Variants in TTC17 observed in about 807,000 individuals in gnomAD.
The protein encoded by TTC17 is tetratricopeptide repeat domain 17.
Under a neutral mutation model 143.8 loss-of-function variants are expected in TTC17, and 58 were observed. The ratio of observed to expected loss-of-function variants is 0.40; its 90% CI spans 0.33 to 0.50. The LOEUF (loss-of-function observed/expected upper bound fraction) is 0.50, where lower values mean the gene tolerates loss of function less well. Among genes scored for constraint, TTC17 ranks in the 20% least tolerant of loss-of-function variants. The pLI is 0.49. For synonymous variants in TTC17, 501 were observed against 497.8 expected (o/e 1.01, Z -0.09); for missense variants, 1,273 against 1,392.5 (o/e 0.91, Z 1.37).
intron 21 of TTC17, 85 bp downstream of exon 21, chr11:43,451,350 C>A: frequency 8.2e-7 from 1 of 1,212,676 alleles, no homozygotes; most frequent in Non-Finnish European, 1.2e-6. Flanking sequence ...TGTCTGTAAC[C>A]TCTTCTGTTA....
intron 8 of TTC17, 28 bp downstream of exon 8, chr11:43,398,141 G>A: frequency 6.2e-7 from 1 of 1,612,586 alleles, no homozygotes; most frequent in East Asian, 2.2e-5. Context: ...TTTCACTCAA[G>A]CATTAGCACT....
intron 16 of TTC17, among the ~76,000 whole-genome samples, chr11:43,437,304 A>G (rs935574430): frequency 2.6e-5 from 4 of 152,134 alleles, no homozygotes; most frequent in Non-Finnish European, 4.4e-5. Context: ...TGTTGCATCT[A>G]TATCTCTTCA....
chr11:43,478,744 G>C (rs7104153), intron 21 of TTC17, among the ~76,000 whole-genome samples: 14,079 of 151,990 alleles, frequency 0.093, 802 homozygotes, highest in Middle Eastern at 0.16. Context: ...GCCCCATCCC[G>C]CAACCCCCAA....
At chr11:43,404,235 C>G in intron 11 of TTC17, 91 bp downstream of exon 11, 1 of 1,266,174 alleles carries the variant, frequency 7.9e-7, no homozygotes, top group Non-Finnish European at 1.1e-6. Flanking sequence ...AATATGGCCT[C>G]TATGACTGTT....
In TTC17 at chr11:43,391,828, A is replaced by AG. The variant is rs1275684522; in HGVS notation, c.541dup (p.Glu181GlyfsTer4). 1 of 1,612,738 alleles carries AG rather than the reference A, an allele frequency of 6.2e-7. No homozygotes were observed. The highest frequency in any genetic ancestry group is 8.5e-7 in the Non-Finnish European group (1 of 1,179,746). ...TCTTTTTCTTCTCTTCAGGGTGTAC[A>AG]GGAGAGAGTTAATCTTTCTGCACCT... On this transcript the variant is annotated frameshift_variant, in exon 5 of 24. Transcript: ENST00000039989. LOFTEE classifies it high-confidence loss of function.
rs116090115 is a variant in TTC17, at chr11:43,383,004, A to G, written c.249+3682A>G. Among the ~76,000 whole-genome samples the G allele has an allele frequency of 6.3e-3, 948 of 151,558 alleles. 13 individuals carry two copies. Among genetic ancestry groups the G allele is most frequent in the African/African-American group, 0.022 (889 of 41,268 alleles). On this transcript the variant is annotated intron_variant, in intron 2 of 23. Transcript: ENST00000039989. ...AGCTTCAACTTCCTGGGCTCATGCT[A>G]TCTTCCTGCCTCAGCCTCTTGTGTA...
chr11:43,405,094 CTTTTT>C (rs528720022), intron 11 of TTC17, among the ~76,000 whole-genome samples: 1 of 132,494 alleles, frequency 7.5e-6, no homozygotes, highest in Admixed American at 7.7e-5. Context: ...TCTTCTTTTT[CTTTTT>C]TTTTTTTTTT....
intron 16 of TTC17, among the ~76,000 whole-genome samples, chr11:43,418,940 G>A (rs185361672): frequency 4.6e-5 from 7 of 152,198 alleles, no homozygotes; most frequent in Admixed American, 2.6e-4. Context: ...AATCTAGGCT[G>A]TCTTATATCT....
intron 21 of TTC17, among the ~76,000 whole-genome samples, chr11:43,451,674 T>C (rs1290860102): frequency 6.6e-6 from 1 of 152,212 alleles, no homozygotes; most frequent in Non-Finnish European, 1.5e-5. Flanking sequence ...TGAAACAAAA[T>C]ATTTACCAAA....
chr11:43,402,427 T>A (rs574874866), intron 10 of TTC17, among the ~76,000 whole-genome samples: 3 of 152,140 alleles, frequency 2.0e-5, no homozygotes, highest in African/African-American at 7.2e-5. Context: ...TCGCTGTATA[T>A]ACACACGTGT....
In TTC17 at chr11:43,490,251, T is replaced by G; in HGVS notation, c.3043T>G (p.Trp1015Gly). The G allele has an allele frequency of 6.2e-7, 1 of 1,611,398 alleles. No individual in the cohort carries two copies. The highest frequency in any genetic ancestry group is 8.5e-7 in the Non-Finnish European group (1 of 1,178,292). ...CATTCCTTTGCAGAACCAGACGTCC[T>G]GGGTCCTCTCCAGCATGGCAGCCCT... is the stretch of plus-strand genomic sequence containing the variant. ...AKVLEKNQTS[W>G]VLSSMAALYW... The change falls in exon 22 of 24, where the codon TGG becomes GGG. Residue 1015 changes from tryptophan (W) to glycine (G), a missense_variant. Transcript: ENST00000039989.
At chr11:43,446,561 T>G (rs1199749669) in intron 18 of TTC17, 1 of 682,734 alleles carries the variant, frequency 1.5e-6, no homozygotes. Flanking sequence ...GTGAAAATTA[T>G]GGCTTATTTA....
Position 43,403,984 on chromosome 11 carries a change from G to A in TTC17, c.1333-14G>A, listed in dbSNP as rs1368247250. 1.3e-6 allele frequency: 2 copies of A among 1,567,640 alleles called. No homozygotes were observed. The highest frequency in any genetic ancestry group is 1.7e-4 in the Middle Eastern group (1 of 5,778). Reference sequence around the variant, plus strand: ...CACTTTCAATTTGATTGAACTTTTTGTTTCATTTTCTAGTTTGGTGAGGAT... The same window carrying A: ...CACTTTCAATTTGATTGAACTTTTTATTTCATTTTCTAGTTTGGTGAGGAT... On this transcript the variant is annotated splice_polypyrimidine_tract_variant and intron_variant, in intron 10 of 23. Coordinates refer to ENST00000039989, the MANE Select transcript of TTC17 (RefSeq NM_018259.6).
intron 21 of TTC17, among the ~76,000 whole-genome samples, chr11:43,470,303 G>A (rs568868190): frequency 1.3e-5 from 2 of 152,212 alleles, no homozygotes; most frequent in South Asian, 2.1e-4. Context: ...CTGCCCACCC[G>A]CATTTTCTGC....
intron 10 of TTC17, among the ~76,000 whole-genome samples, chr11:43,402,033 AGC>A (rs1857885700): frequency 1.3e-5 from 2 of 151,322 alleles, no homozygotes; most frequent in African/African-American, 2.4e-5. Flanking sequence ...ATAAATAAAG[AGC>A]GAGAGAGAGA....
intron 16 of TTC17, among the ~76,000 whole-genome samples, chr11:43,428,116 CA>C (rs1947071131): frequency 6.6e-6 from 1 of 152,128 alleles, no homozygotes; most frequent in African/African-American, 2.4e-5. Context: ...ACATGTCTGA[CA>C]AGTGGCCTGT....
In TTC17 at chr11:43,398,055, A is replaced by C; in HGVS notation, c.1000A>C (p.Arg334=). The C allele has an allele frequency of 6.2e-7, 1 of 1,614,012 alleles. No individual in the cohort carries two copies. Among genetic ancestry groups the C allele is most frequent in the Non-Finnish European group, 8.5e-7 (1 of 1,180,026 alleles). The part of the protein sequence containing the change: ...ARPGFEQAIK[R]KHAVLCQQKL... Reference sequence around the variant, plus strand: ...ACCTGGGTTTGAGCAAGCTATAAAGAGGAAGCATGCTGTCCTATGTCAGCA... The same window carrying C: ...ACCTGGGTTTGAGCAAGCTATAAAGCGGAAGCATGCTGTCCTATGTCAGCA... The change falls in exon 8 of 24, where the codon AGG becomes CGG. Residue 334 remains arginine, a synonymous_variant. Coordinates refer to ENST00000039989, the MANE Select transcript of TTC17 (RefSeq NM_018259.6).
At chr11:43,465,188 C>G (rs2134807194) in intron 21 of TTC17, among the ~76,000 whole-genome samples, 1 of 152,258 alleles carries the variant, frequency 6.6e-6, no homozygotes, top group African/African-American at 2.4e-5. Flanking sequence ...TCATAGCAGC[C>G]CAAATTCAGT....
At chr11:43,397,318 A>G in intron 6 of TTC17, 29 bp from the exon 7 acceptor site, 15 of 1,587,388 alleles carry the variant, frequency 9.4e-6, no homozygotes, top group Non-Finnish European at 1.3e-5. Flanking sequence ...GGTTCTACAT[A>G]ATCATGGAAT....
Sources: allele counts gnomAD v4.1 joint callset (sites outside exome capture counted in the v4.1 genomes callset), GRCh38; gene constraint gnomAD v4.1.1; transcripts MANE v1.5; gene names NCBI Gene and HGNC (gene_info 2026-07-23, HGNC 2026-07-21).